Variants in TMEM245 observed in about 807,000 individuals in gnomAD.
The protein encoded by TMEM245 is protein CG-2.
A neutral mutation model predicts 101.2 loss-of-function variants in TMEM245; 69 were observed. That is an observed-to-expected ratio of 0.68 (90% CI 0.56 to 0.83). TMEM245 has a LOEUF of 0.83. Ranked by LOEUF, TMEM245 falls within the 40% of genes least tolerant of loss-of-function variation. The probability of loss-of-function intolerance (pLI) is 0.00; values close to 1 mark genes in which losing one functional copy is unlikely to be tolerated. For synonymous variants in TMEM245, 537 were observed against 449.8 expected (o/e 1.19, Z -2.45); for missense variants, 1,075 against 1,092.8 (o/e 0.98, Z 0.23).
intron 14 of TMEM245, among the ~76,000 whole-genome samples, chr9:109,047,948 A>C (rs1828548802): frequency 6.6e-6 from 1 of 152,258 alleles, no homozygotes; most frequent in Non-Finnish European, 1.5e-5. Flanking sequence ...TCTGAGTCAG[A>C]AAGATATCAC....
At chr9:109,072,597 G>A (rs1829368083) in intron 9 of TMEM245, among the ~76,000 whole-genome samples, 2 of 152,122 alleles carry the variant, frequency 1.3e-5, no homozygotes, top group South Asian at 2.1e-4. Context: ...CGAACTTCAG[G>A]TACCCTACGG....
At position 109,050,555 on chromosome 9, in the gene TMEM245, T is replaced by C; in HGVS notation, c.1977+15A>G. ...GGGAAGGAAATATGACGTGTACTTA[T>C]CTATGTGGACGTACCAGAGAGAGTA... On this transcript the variant is annotated intron_variant, in intron 13 of 17. Coordinates refer to ENST00000374586, the MANE Select transcript of TMEM245 (RefSeq NM_032012.4). 1 of 1,613,918 alleles carries C rather than the reference T, an allele frequency of 6.2e-7. No individual in the cohort carries two copies. Among genetic ancestry groups the C allele is most frequent in the Non-Finnish European group, 8.5e-7 (1 of 1,179,966 alleles).
chr9:109,037,788 T>A (rs934305197), intron 15 of TMEM245, among the ~76,000 whole-genome samples: 1 of 152,196 alleles, frequency 6.6e-6, no homozygotes, highest in African/African-American at 2.4e-5. Context: ...GAGAACAGAC[T>A]AATACAGCAA....
At chr9:109,084,729 C>G (rs1448374583) in intron 7 of TMEM245, among the ~76,000 whole-genome samples, 2 of 152,100 alleles carry the variant, frequency 1.3e-5, no homozygotes, top group Non-Finnish European at 2.9e-5. Flanking sequence ...ATTCTTTGGT[C>G]AAAATTTTAA....
In TMEM245 at chr9:109,045,045, C is replaced by A. The variant is rs183634853; in HGVS notation, c.2123+5238G>T. On this transcript the variant is annotated intron_variant, in intron 14 of 17. Coordinates refer to ENST00000374586, the MANE Select transcript of TMEM245 (RefSeq NM_032012.4). ...AAAGTGCTGGGATTTGAGGCGTGAG[C>A]CACCGTACCTGGCCTCATTTCTTTT... Among the ~76,000 whole-genome samples the A allele has an allele frequency of 9.1e-4, 138 of 152,272 alleles. 1 individual carries two copies. Among genetic ancestry groups the A allele is most frequent in the Middle Eastern group, 6.8e-3 (2 of 294 alleles).
At chr9:109,082,122 AAAC>A (rs1280925273) in intron 7 of TMEM245, among the ~76,000 whole-genome samples, 1 of 152,228 alleles carries the variant, frequency 6.6e-6, no homozygotes, top group Non-Finnish European at 1.5e-5. Flanking sequence ...TTGGTTAAAA[AAAC>A]AACATGAGTT....
At chr9:109,110,322 A>C (rs370514195) in intron 1 of TMEM245, among the ~76,000 whole-genome samples, 2 of 152,116 alleles carry the variant, frequency 1.3e-5, no homozygotes, top group Non-Finnish European at 2.9e-5. Context: ...CCACAAAATA[A>C]TATTATTATG....
At chr9:109,085,806 C>T (rs1829815820) in intron 7 of TMEM245, among the ~76,000 whole-genome samples, 191 bp downstream of exon 7, 1 of 152,226 alleles carries the variant, frequency 6.6e-6, no homozygotes, top group South Asian at 2.1e-4. Flanking sequence ...ATATCCTAGA[C>T]AGCCTTTGCT....
At chr9:109,058,869 T>C (rs1002205592) in intron 11 of TMEM245, among the ~76,000 whole-genome samples, 12 of 152,032 alleles carry the variant, frequency 7.9e-5, no homozygotes, top group Admixed American at 7.2e-4. Context: ...GCCTCCCAAA[T>C]AGCCAGGATT....
intron 9 of TMEM245, 183 bp downstream of exon 9, chr9:109,073,173 C>A: frequency 1.7e-6 from 1 of 573,088 alleles, no homozygotes; most frequent in Non-Finnish European, 3.1e-6. Context: ...AAATCCTGAG[C>A]ACTTTCCTCC....
chr9:109,038,748 A>G (rs1828214384), intron 14 of TMEM245: 1 of 152,288 alleles, frequency 6.6e-6, no homozygotes, highest in South Asian at 2.1e-4. Flanking sequence ...ATCAGAGAGG[A>G]AAATACAAGA....
Position 109,119,639 on chromosome 9 carries a change from G to T in TMEM245, c.275C>A (p.Thr92Asn). The change falls in exon 1 of 18, where the codon ACT becomes AAT. Residue 92 changes from threonine (T) to asparagine (N), a missense_variant. Physicochemically the swap from Thr to Asn is moderately conservative, Grantham distance 65. Transcript: ENST00000374586. ...CGAGCTCTTGAAGGGGTGCAGAAAA[G>T]TGCCGCATAGCACGGCCCAGAGCAG... ...RPLLWAVLCG[T>N]FLHPFKSSLT... The T allele has an allele frequency of 6.4e-7, 1 of 1,563,906 alleles. No individual in the cohort carries two copies.
At position 109,119,816 on chromosome 9, in the gene TMEM245, C is replaced by T; in HGVS notation, c.98G>A (p.Gly33Asp). The T allele has an allele frequency of 6.9e-7, 1 of 1,442,294 alleles. No individual in the cohort carries two copies. Among genetic ancestry groups the T allele is most frequent in the Non-Finnish European group, 9.1e-7 (1 of 1,100,358 alleles). The allele number at this position is 1,442,294 out of a possible 1,614,324, so 89.3% of individuals were successfully genotyped here. ...VPRAVGPSGG[G>D]GETPRTAALA... is the part of the protein sequence containing the mutation. ...CGCCGCGGTCCGCGGGGTCTCCCCG[C>T]CACCGCCACTCGGCCCGACCGCGCG... The change falls in exon 1 of 18, where the codon GGC becomes GAC. Residue 33 changes from glycine (G) to aspartate (D), a missense_variant. Gly to Asp is a moderately conservative substitution (Grantham distance 94, BLOSUM62 -1). Transcript: ENST00000374586.
In TMEM245 at chr9:109,119,563, C is replaced by G. The variant is rs771795800; in HGVS notation, c.351G>C (p.Thr117=). 1 of 1,538,438 alleles carries G rather than the reference C, an allele frequency of 6.5e-7. No individual in the cohort carries two copies. ...HWLQRLHRAH[T]PIVLAALLLP... ...GGAGCAGCGCGGCCAGGACGATGGG[C>G]GTGTGCGCGCGGTGCAGGCGCTGCA... Residue 117 remains threonine (T), a synonymous_variant, in exon 1 of 18, where the codon ACG becomes ACC. Coordinates refer to ENST00000374586, the MANE Select transcript of TMEM245 (RefSeq NM_032012.4).
chr9:109,060,523 G>C, intron 10 of TMEM245, 71 bp from the exon 11 acceptor site: 1 of 1,034,358 alleles, frequency 9.7e-7, no homozygotes, highest in Non-Finnish European at 1.5e-6. Context: ...ATATATGCTG[G>C]GTATTTACAT....
chr9:109,064,930 T>G (rs1428885346), intron 9 of TMEM245, among the ~76,000 whole-genome samples: 1 of 152,002 alleles, frequency 6.6e-6, no homozygotes, highest in Non-Finnish European at 1.5e-5. Flanking sequence ...GCTGAGATCA[T>G]AGGCACGTCA....
chr9:109,117,200 C>T (rs1830746697), intron 1 of TMEM245, among the ~76,000 whole-genome samples: 1 of 152,046 alleles, frequency 6.6e-6, no homozygotes, highest in Admixed American at 6.6e-5. Flanking sequence ...ACCTCTGCCT[C>T]CCGGGTTCAA....
chr9:109,062,552 A>G (rs1427278461), intron 10 of TMEM245, among the ~76,000 whole-genome samples: 5 of 152,200 alleles, frequency 3.3e-5, no homozygotes, highest in Non-Finnish European at 2.9e-5. Flanking sequence ...CTCTTTGCCT[A>G]TTTGATGCTG....
At chr9:109,096,483 C>A (rs1830144028) in intron 3 of TMEM245, among the ~76,000 whole-genome samples, 1 of 152,148 alleles carries the variant, frequency 6.6e-6, no homozygotes, top group Non-Finnish European at 1.5e-5. Context: ...CCACTGCACT[C>A]TGCCTGGGTG....
Sources: allele counts gnomAD v4.1 joint callset (sites outside exome capture counted in the v4.1 genomes callset), GRCh38; gene constraint gnomAD v4.1.1; transcripts MANE v1.5; gene names NCBI Gene and HGNC (gene_info 2026-07-23, HGNC 2026-07-21).